SUN1: variants seen among roughly 807,000 people sequenced by gnomAD.
SUN1 encodes Sad1 and UNC84 domain containing 1, also known as SUN domain-containing protein 1.
A neutral mutation model predicts 103.2 loss-of-function variants in SUN1; 61 were observed. The ratio of observed to expected loss-of-function variants is 0.59; its 90% CI spans 0.48 to 0.73. The LOEUF (loss-of-function observed/expected upper bound fraction) is 0.73, where lower values mean the gene tolerates loss of function less well. Ranked by LOEUF, SUN1 falls within the 30% of genes least tolerant of loss-of-function variation. The pLI is 0.00. For synonymous variants in SUN1, 490 were observed against 425.7 expected (o/e 1.15, Z -1.86); for missense variants, 1,052 against 1,034.6 (o/e 1.02, Z -0.23).
intron 15 of SUN1, among the ~76,000 whole-genome samples, chr7:864,908 C>T (rs1320132436): frequency 6.6e-6 from 1 of 151,940 alleles, no homozygotes; most frequent in African/African-American, 2.4e-5. Flanking sequence ...GGATTACAGG[C>T]GTGAGCCACT....
intron 12 of SUN1, among the ~76,000 whole-genome samples, chr7:857,095 T>A (rs1422571621): frequency 6.6e-6 from 1 of 152,178 alleles, no homozygotes; most frequent in Non-Finnish European, 1.5e-5. Flanking sequence ...GTTCCCAACA[T>A]GGCAGCTTTG....
intron 5 of SUN1, chr7:850,432 C>A (rs1022325445): frequency 6.2e-6 from 1 of 162,412 alleles, no homozygotes; most frequent in South Asian, 1.7e-4. Context: ...ATTTCCTGAC[C>A]TAGTGATCTG....
At chr7:852,752 G>A (rs1823452836) in intron 8 of SUN1, 58 bp from the exon 9 acceptor site, 1 of 1,612,812 alleles carries the variant, frequency 6.2e-7, no homozygotes, top group South Asian at 1.1e-5. Context: ...GAGCGTGTAA[G>A]TCCATGTTTT....
chr7:865,568 T>C (rs955672687), intron 15 of SUN1, among the ~76,000 whole-genome samples: 1 of 152,242 alleles, frequency 6.6e-6, no homozygotes, highest in Non-Finnish European at 1.5e-5. Context: ...AGGTCTGCCT[T>C]CAGTAGACTG....
chr7:859,486 AGT>A (rs761423234), intron 13 of SUN1, among the ~76,000 whole-genome samples: 18 of 152,158 alleles, frequency 1.2e-4, no homozygotes, highest in Non-Finnish European at 2.4e-4. Context: ...AGCGCTGGGA[AGT>A]GTGTGTGGGG....
intron 5 of SUN1, among the ~76,000 whole-genome samples, chr7:844,240 G>A (rs1317614732): frequency 1.3e-5 from 2 of 152,216 alleles, no homozygotes; most frequent in African/African-American, 4.8e-5. Context: ...GCCTGGCCCA[G>A]GATCTCTCTC....
chr7:868,009 AG>A (rs1838402688), intron 16 of SUN1, among the ~76,000 whole-genome samples: 1 of 152,218 alleles, frequency 6.6e-6, no homozygotes, highest in Non-Finnish European at 1.5e-5. Flanking sequence ...GGGCTGGCAA[AG>A]GGAGAGCAGT....
intron 15 of SUN1, among the ~76,000 whole-genome samples, chr7:865,712 G>T (rs1268857945): frequency 1.3e-5 from 2 of 152,158 alleles, no homozygotes; most frequent in African/African-American, 4.8e-5. Flanking sequence ...CCAACAGTGC[G>T]TGAGGGTTCC....
In SUN1 at chr7:843,477, C is replaced by A; in HGVS notation, c.615C>A (p.Pro205=). The A allele has an allele frequency of 6.2e-7, 1 of 1,614,048 alleles. No homozygotes were observed. Among genetic ancestry groups the A allele is most frequent in the Non-Finnish European group, 8.5e-7 (1 of 1,179,938 alleles). The change falls in exon 5 of 19, where the codon CCC becomes CCA. Residue 205 remains proline, a synonymous_variant. Transcript: ENST00000401592. ...TGCTCACGGCGCACCCCGCGGCCCC[C>A]GGGCCCGTGTCGAGAGTTTATTCTA... ...KDVLTAHPAA[P]GPVSRVYSRD... is the part of the protein sequence containing the mutation.
intron 1 of SUN1, among the ~76,000 whole-genome samples, chr7:822,339 C>T (rs1237146606): frequency 6.6e-6 from 1 of 152,176 alleles, no homozygotes; most frequent in Non-Finnish European, 1.5e-5. Flanking sequence ...CAGTGAATGG[C>T]TGTAGGTTGT....
chr7:830,284 G>C (rs536422124), upstream of SUN1, among the ~76,000 whole-genome samples: 1 of 152,324 alleles, frequency 6.6e-6, no homozygotes, highest in South Asian at 2.1e-4. Flanking sequence ...GGTTCTGCTT[G>C]GCATGAGCCT....
chr7:832,511 T>A lies in SUN1; in HGVS notation c.-14T>A, dbSNP rs756437480. ...TCTTTCCCGCCCTCTGCAGTATGGT[T>A]TGAAGTGGTGAACATGGATTTTTCT... On this transcript the variant is annotated 5_prime_UTR_variant, in exon 1 of 19. In the 5' UTR this introduces an upstream ATG that the reference lacks. Transcript: ENST00000401592. The A allele has an allele frequency of 7.4e-6, 12 of 1,612,206 alleles. No homozygotes were observed. Among genetic ancestry groups the A allele is most frequent in the Middle Eastern group, 1.6e-4 (1 of 6,062 alleles).
Position 838,858 on chromosome 7 carries a change from T to C in SUN1, c.138T>C (p.Phe46=). ...CGGAGCACAAATTGGACCCTGTATTTGATTCTCCACGGATGTCCCGCCGTA... is the reference window on the plus strand; with the variant it reads ...CGGAGCACAAATTGGACCCTGTATTCGATTCTCCACGGATGTCCCGCCGTA... ...FETEHKLDPV[F]DSPRMSRRSL... is the part of the protein sequence containing the mutation. The change falls in exon 2 of 19, where the codon TTT becomes TTC. Residue 46 remains phenylalanine, a synonymous_variant. Transcript: ENST00000401592. 1 of 1,589,828 alleles carries C rather than the reference T, an allele frequency of 6.3e-7. No individual in the cohort carries two copies. Among genetic ancestry groups the C allele is most frequent in the African/African-American group, 1.3e-5 (1 of 74,908 alleles).
intron 16 of SUN1, among the ~76,000 whole-genome samples, 157 bp downstream of exon 16, chr7:866,224 C>T (rs1836413786): frequency 6.6e-6 from 1 of 152,150 alleles, no homozygotes; most frequent in Admixed American, 6.5e-5. Flanking sequence ...CCGAGGAGTC[C>T]CCGGTGTCCC....
intron 14 of SUN1, 43 bp downstream of exon 14, chr7:860,425 C>T: frequency 1.9e-6 from 3 of 1,601,274 alleles, no homozygotes; most frequent in Non-Finnish European, 2.6e-6. Context: ...ACAGTCCATT[C>T]TGTGCTGAGA....
chr7:843,584 G>T (rs1470460975), intron 5 of SUN1, 64 bp downstream of exon 5: 4 of 1,613,068 alleles, frequency 2.5e-6, no homozygotes, highest in Non-Finnish European at 3.4e-6. Context: ...TTTCCTTTCT[G>T]TAAGTCTCAG....
At chr7:824,560 A>C (rs1208496100) in intron 1 of SUN1, among the ~76,000 whole-genome samples, 1 of 152,230 alleles carries the variant, frequency 6.6e-6, no homozygotes, top group Non-Finnish European at 1.5e-5. Context: ...CTTTTGCTGA[A>C]ACACTGTGAT....
chr7:816,169 G>A, upstream of SUN1: 1 of 209,508 alleles, frequency 4.8e-6, no homozygotes, highest in Admixed American at 8.7e-5. Context: ...GAGGGGCAGA[G>A]CCCTCCGCGA....
At chr7:818,736 AGT>A (rs1211777524) in intron 1 of SUN1, among the ~76,000 whole-genome samples, 1 of 152,144 alleles carries the variant, frequency 6.6e-6, no homozygotes, top group African/African-American at 2.4e-5. Flanking sequence ...GTGGGTCTGA[AGT>A]GGCGTCTCAT....
Sources: allele counts gnomAD v4.1 joint callset (sites outside exome capture counted in the v4.1 genomes callset), GRCh38; gene constraint gnomAD v4.1.1; transcripts MANE v1.5; gene names NCBI Gene and HGNC (gene_info 2026-07-23, HGNC 2026-07-21).